TPRG1: variants seen among roughly 807,000 people sequenced by gnomAD.
TPRG1 encodes tumor protein p63 regulated 1.
A neutral mutation model predicts 29.3 loss-of-function variants in TPRG1; 29 were observed. The observed-to-expected ratio is 0.99, with a 90% CI of 0.74 to 1.35. TPRG1 has a LOEUF of 1.35. Ranked by LOEUF, TPRG1 falls within the 40% of genes most tolerant of loss-of-function variation. The pLI, the probability that TPRG1 is intolerant of heterozygous loss-of-function variation, is 0.00. For synonymous variants in TPRG1, 130 were observed against 116.8 expected, an observed-to-expected ratio of 1.11 and a Z score of -0.73; for missense variants, 327 against 335.0, an observed-to-expected ratio of 0.98 and a Z score of 0.19.
At chr3:189,133,199 G>T (rs921334981) in intron 3 of TPRG1, among the ~76,000 whole-genome samples, 1 of 152,150 alleles carries the variant, frequency 6.6e-6, no homozygotes, top group African/African-American at 2.4e-5. Flanking sequence ...AAGAGACTGG[G>T]ATCAGATCTG....
At chr3:189,182,666 C>T (rs1428062447) in intron 1 of TPRG1, among the ~76,000 whole-genome samples, 1 of 152,044 alleles carries the variant, frequency 6.6e-6, no homozygotes, top group Non-Finnish European at 1.5e-5. Context: ...CCTACAAGAA[C>T]CCTCAGTGCA....
intron 4 of TPRG1, among the ~76,000 whole-genome samples, chr3:189,304,228 A>C (rs1169947893): frequency 6.6e-6 from 1 of 151,378 alleles, no homozygotes; most frequent in Non-Finnish European, 1.5e-5. Flanking sequence ...AGTTTTAACT[A>C]CCTGATATTA....
chr3:189,028,037 T>C (rs1280441059), intron 4 of TPRG1, among the ~76,000 whole-genome samples: 2 of 152,194 alleles, frequency 1.3e-5, no homozygotes, highest in East Asian at 1.9e-4. Context: ...TTCTGGTGAT[T>C]ATTCATTATT....
intron 5 of TPRG1, among the ~76,000 whole-genome samples, chr3:189,317,305 G>A (rs192931495): frequency 1.2e-4 from 19 of 152,280 alleles, no homozygotes; most frequent in Admixed American, 3.9e-4. Flanking sequence ...TGATGAGGAT[G>A]ATGTCAGTGA....
chr3:189,017,437 A>T (rs903472853), intron 3 of TPRG1, among the ~76,000 whole-genome samples: 6 of 151,592 alleles, frequency 4.0e-5, no homozygotes, highest in African/African-American at 1.5e-4. Flanking sequence ...TGTCCATGTG[A>T]TCTCATTGTT....
chr3:189,196,393 T>C (rs1305248391), intron 1 of TPRG1, among the ~76,000 whole-genome samples: 1 of 152,188 alleles, frequency 6.6e-6, no homozygotes, highest in African/African-American at 2.4e-5. Flanking sequence ...AATAAAGATA[T>C]ACCAGAGACT....
At chr3:189,265,093 C>G (rs963926711) in intron 4 of TPRG1, among the ~76,000 whole-genome samples, 1 of 152,158 alleles carries the variant, frequency 6.6e-6, no homozygotes, top group Non-Finnish European at 1.5e-5. Context: ...TGAATTTTGA[C>G]ATTCATGAAA....
chr3:189,185,487 A>G (rs538583488), intron 1 of TPRG1, among the ~76,000 whole-genome samples: 5 of 152,232 alleles, frequency 3.3e-5, no homozygotes, highest in African/African-American at 1.2e-4. Flanking sequence ...CGGCCTCCCA[A>G]AGCACTGGGA....
intron 1 of TPRG1, among the ~76,000 whole-genome samples, chr3:189,202,633 C>T (rs745873993): frequency 9.9e-5 from 15 of 151,574 alleles, no homozygotes; most frequent in Non-Finnish European, 1.9e-4. Context: ...TGTTTTTTTC[C>T]TTCTTGTTTT....
chr3:189,112,870 G>T (rs1235201429), intron 1 of TPRG1, among the ~76,000 whole-genome samples: 1 of 152,076 alleles, frequency 6.6e-6, no homozygotes, highest in African/African-American at 2.4e-5. Flanking sequence ...CTCTTTTTCG[G>T]TTCCATATGA....
chr3:189,038,831 G>C (rs1714451912), intron 4 of TPRG1, among the ~76,000 whole-genome samples: 1 of 151,314 alleles, frequency 6.6e-6, no homozygotes, highest in African/African-American at 2.4e-5. Flanking sequence ...ATTCACAGAA[G>C]GGCAAACCCA....
intron 4 of TPRG1, among the ~76,000 whole-genome samples, chr3:189,285,608 C>T (rs1025124593): frequency 1.3e-5 from 2 of 152,226 alleles, no homozygotes; most frequent in African/African-American, 4.8e-5. Context: ...TTTTTGATCA[C>T]AGAGCACTTT....
intron 3 of TPRG1, among the ~76,000 whole-genome samples, chr3:189,137,730 T>G (rs929835861): frequency 2.6e-5 from 4 of 152,126 alleles, no homozygotes; most frequent in Non-Finnish European, 5.9e-5. Context: ...TCTACAACAC[T>G]TTATGCCTGC....
intron 1 of TPRG1, among the ~76,000 whole-genome samples, chr3:189,122,619 C>A (rs965264150): frequency 3.9e-5 from 6 of 152,196 alleles, no homozygotes; most frequent in African/African-American, 7.2e-5. Context: ...ATCATCTAGT[C>A]CAACCCTGTC....
intron 4 of TPRG1, among the ~76,000 whole-genome samples, chr3:189,277,856 G>A (rs1716433887): frequency 6.6e-6 from 1 of 152,106 alleles, no homozygotes; most frequent in Non-Finnish European, 1.5e-5. Flanking sequence ...CTCAAAAATG[G>A]GGAACTCACT....
At chr3:189,178,907 G>A (rs1729850533) in intron 1 of TPRG1, among the ~76,000 whole-genome samples, 2 of 152,218 alleles carry the variant, frequency 1.3e-5, no homozygotes, top group African/African-American at 2.4e-5. Flanking sequence ...AATGGAGGAT[G>A]TTTGGAGCTC....
At chr3:189,071,610 G>A (rs1039819469) in intron 4 of TPRG1, among the ~76,000 whole-genome samples, 1 of 152,174 alleles carries the variant, frequency 6.6e-6, no homozygotes, top group Non-Finnish European at 1.5e-5. Context: ...AGTGGTATAT[G>A]TGTGTGCATA....
chr3:189,115,540 GC>G (rs1214245408), intron 1 of TPRG1, among the ~76,000 whole-genome samples: 1 of 152,202 alleles, frequency 6.6e-6, no homozygotes, highest in Non-Finnish European at 1.5e-5. Context: ...GTGGAGTTGT[GC>G]TTTATAATGC....
Position 189,219,884 on chromosome 3 carries a change from C to G in TPRG1, c.302+4501C>G, listed in dbSNP as rs940224981. The G allele has an allele frequency of 6.8e-5, 34 of 498,344 alleles. 1 individual carries two copies. The highest frequency in any genetic ancestry group is 6.4e-5 in the Admixed American group (1 of 15,696). The allele number at this position is 498,344 out of a possible 1,614,324, so 30.9% of individuals were successfully genotyped here. On this transcript the variant is annotated intron_variant, in intron 3 of 5. Transcript: ENST00000345063. Reference sequence around the variant, plus strand: ...AATATGTTTCATTATTCCCCCAACTCCACCTGGTGTCTATCCCAGGGCTTC... The same window carrying G: ...AATATGTTTCATTATTCCCCCAACTGCACCTGGTGTCTATCCCAGGGCTTC...
Sources: gnomAD v4.1 joint callset for allele counts (sites outside exome capture counted in the v4.1 genomes callset) on GRCh38, gnomAD v4.1.1 for gene constraint, MANE v1.5 for transcripts, NCBI Gene and HGNC (gene_info 2026-07-23, HGNC 2026-07-21) for gene names.